Variants in PDE3A observed in about 807,000 individuals in gnomAD.
The protein encoded by PDE3A is phosphodiesterase 3A.
Under a neutral mutation model 98.3 loss-of-function variants are expected in PDE3A, and 43 were observed. That is an observed-to-expected ratio of 0.44 (90% CI 0.34 to 0.56). The LOEUF is 0.56. Among genes scored for constraint, PDE3A ranks in the 20% least tolerant of loss-of-function variants. The pLI is 0.01. For synonymous variants in PDE3A, 663 were observed against 567.9 expected, an observed-to-expected ratio of 1.17 and a Z score of -2.38; for missense variants, 1,427 against 1,440.7, an observed-to-expected ratio of 0.99 and a Z score of 0.15.
chr12:20,582,704 CT>C (rs566651358), intron 2 of PDE3A, among the ~76,000 whole-genome samples: 1 of 151,946 alleles, frequency 6.6e-6, no homozygotes, highest in Non-Finnish European at 1.5e-5. Flanking sequence ...AGACCATAGA[CT>C]TTTTTCATGT....
At chr12:20,613,354 C>G in intron 2 of PDE3A, 89 bp from the exon 3 acceptor site, 2 of 1,184,302 alleles carry the variant, frequency 1.7e-6, no homozygotes, top group South Asian at 2.6e-5. Context: ...CAGCCCAATT[C>G]ATTTCTTAGT....
chr12:20,562,296 C>T (rs1021787655), intron 2 of PDE3A, among the ~76,000 whole-genome samples: 1 of 150,436 alleles, frequency 6.6e-6, no homozygotes, highest in Non-Finnish European at 1.5e-5. Context: ...TCTCAGCTCA[C>T]CGCAACCTCT....
chr12:20,569,578 CT>C (rs1942745992), intron 2 of PDE3A, among the ~76,000 whole-genome samples: 3 of 152,010 alleles, frequency 2.0e-5, no homozygotes, highest in Non-Finnish European at 1.5e-5. Context: ...TAATATGCCC[CT>C]CATAATGCAC....
At chr12:20,654,690 T>C (rs914294148) in intron 15 of PDE3A, among the ~76,000 whole-genome samples, 19 of 148,190 alleles carry the variant, frequency 1.3e-4, no homozygotes, top group African/African-American at 4.8e-4. Context: ...TTTTTTGTAT[T>C]TTGAGTAGAG....
rs149413444 is a variant in PDE3A at position 20,644,460 on chromosome 12, T to C, written c.2252-2030T>C. ...TTAAGATAAATAAGACTTTTTACTC[T>C]GTCTTATTTTTAAGATAAGGAAGTG... On this transcript the variant is annotated intron_variant, in intron 10 of 15. Transcript: ENST00000359062. Among the ~76,000 whole-genome samples, 1,235 of 152,292 alleles carry C rather than the reference T, an allele frequency of 8.1e-3. 15 individuals carry two copies. Among genetic ancestry groups the C allele is most frequent in the South Asian group, 0.018 (86 of 4,830 alleles).
At chr12:20,457,029 A>T (rs964630064) in intron 1 of PDE3A, among the ~76,000 whole-genome samples, 8 of 152,100 alleles carry the variant, frequency 5.3e-5, no homozygotes, top group African/African-American at 1.9e-4. Context: ...AGTCAAATCA[A>T]ACACTTCTTT....
intron 1 of PDE3A, among the ~76,000 whole-genome samples, chr12:20,498,645 A>G (rs1945968356): frequency 1.3e-5 from 2 of 151,224 alleles, no homozygotes; most frequent in Non-Finnish European, 2.9e-5. Flanking sequence ...TCAAGAGATG[A>G]CTGTATTCTG....
chr12:20,673,433 A>C (rs1478866777), intron 15 of PDE3A, among the ~76,000 whole-genome samples: 20 of 142,998 alleles, frequency 1.4e-4, no homozygotes, highest in Non-Finnish European at 2.7e-4. Flanking sequence ...CACAATAGCA[A>C]AGACTTGGAA....
At chr12:20,652,231 A>G (rs12814749) in intron 14 of PDE3A, among the ~76,000 whole-genome samples, 5,258 of 152,216 alleles carry the variant, frequency 0.035, 122 homozygotes, top group Middle Eastern at 0.061. Flanking sequence ...ATAAACATAC[A>G]TGTGCATGTG....
At chr12:20,579,305 T>C (rs1943011293) in intron 2 of PDE3A, among the ~76,000 whole-genome samples, 2 of 152,322 alleles carry the variant, frequency 1.3e-5, no homozygotes, top group East Asian at 1.9e-4. Flanking sequence ...TGAGTTGAAA[T>C]ATGCATTTTT....
rs761992252 is a variant in PDE3A at position 20,556,738 on chromosome 12, C to T, written c.1011+28C>T. 3.2e-6 allele frequency: 5 copies of T among 1,551,300 alleles called. No individual in the cohort carries two copies. The African/African-American group carries it at 4.1e-5, about 13-fold the overall frequency. On this transcript the variant is annotated intron_variant, in intron 2 of 15. Coordinates refer to ENST00000359062, the MANE Select transcript of PDE3A (RefSeq NM_000921.5). ...AAGTTTCTTTTCCTTTTCTTTTTCA[C>T]GTTTCGTTTCGTAACACTTTCAGCC... is the stretch of plus-strand genomic sequence containing the variant.
At position 20,381,075 on chromosome 12, in the gene PDE3A, C is replaced by T. The variant is rs569254475; in HGVS notation, c.960+10831C>T. 4.6e-5 allele frequency among the ~76,000 whole-genome samples: 7 copies of T among 151,856 alleles called. No individual in the cohort carries two copies. The East Asian group carries it at 7.8e-4, about 17-fold the overall frequency. ...AGCATAGTTATTAAGGCAGTAGCCT[C>T]GTTTTGTCCACTTCTCGTCATTCCT... On this transcript the variant is annotated intron_variant, in intron 1 of 15. Transcript: ENST00000359062.
rs948317650 is a variant in PDE3A, at chr12:20,552,180, T to A, written c.961-4480T>A. The stretch of plus-strand genomic sequence containing the variant: ...CTCTCAACTGCTTTGCTCCCATCAA[T>A]GACCAAGAAGGGGCCGAGGCCAAGG... On this transcript the variant is annotated intron_variant, in intron 1 of 15. Coordinates refer to ENST00000359062, the MANE Select transcript of PDE3A (RefSeq NM_000921.5). This position sits in a 1 kb window ranked among gnomAD's most constrained non-coding sequence, Gnocchi z 5.1. The A allele has an allele frequency of 3.1e-6, 5 of 1,613,652 alleles. No individual in the cohort carries two copies. The African/African-American group carries it at 6.7e-5, about 22-fold the overall frequency.
At chr12:20,409,180 T>G (rs1270613631) in intron 1 of PDE3A, among the ~76,000 whole-genome samples, 1 of 152,212 alleles carries the variant, frequency 6.6e-6, no homozygotes. Flanking sequence ...ATCTGGAATC[T>G]GAAAGTAATA....
At chr12:20,532,326 T>G (rs1010794373) in intron 1 of PDE3A, among the ~76,000 whole-genome samples, 4 of 149,882 alleles carry the variant, frequency 2.7e-5, no homozygotes, top group African/African-American at 9.8e-5. Context: ...TGTGTGGGTA[T>G]TTGAAATTTA....
Position 20,662,926 on chromosome 12 carries a change from T to A in PDE3A, c.3184+8721T>A, listed in dbSNP as rs187165348. Among the ~76,000 whole-genome samples the A allele has an allele frequency of 1.7e-3, 253 of 152,260 alleles. 1 individual carries two copies. The highest frequency in any genetic ancestry group is 9.1e-3 in the East Asian group (47 of 5,170). ...TGTCAGAGACCTTAGTGGCAGTCCC[T>A]CCTATCATAGACCCAGAGGCCTAGG... On this transcript the variant is annotated intron_variant, in intron 15 of 15. Coordinates refer to ENST00000359062, the MANE Select transcript of PDE3A (RefSeq NM_000921.5).
Position 20,552,007 on chromosome 12 carries a change from C to G in PDE3A, c.961-4653C>G. 1 of 1,612,518 alleles carries G rather than the reference C, an allele frequency of 6.2e-7. No individual in the cohort carries two copies. On this transcript the variant is annotated intron_variant, in intron 1 of 15. Coordinates refer to ENST00000359062, the MANE Select transcript of PDE3A (RefSeq NM_000921.5). The surrounding 1 kb of genome is among the most constrained non-coding windows in gnomAD (Gnocchi z 5.1). The stretch of plus-strand genomic sequence containing the variant: ...CCGGAGCAACGACGGAGCGTACTCC[C>G]TAGTCCTGGCGGGGGGCTACGAGGA...
At chr12:20,679,291 A>G (rs920510506) in intron 15 of PDE3A, among the ~76,000 whole-genome samples, 4 of 152,186 alleles carry the variant, frequency 2.6e-5, no homozygotes, top group Non-Finnish European at 5.9e-5. Context: ...TCTGTTGCCC[A>G]GGCTGGAGTG....
In PDE3A at chr12:20,646,830, A is replaced by G; in HGVS notation, c.2445A>G (p.Gly815=). 1 of 1,610,930 alleles carries G rather than the reference A, an allele frequency of 6.2e-7. No homozygotes were observed. The highest frequency in any genetic ancestry group is 8.5e-7 in the Non-Finnish European group (1 of 1,177,120). Residue 815 remains glycine (G), a synonymous_variant, in exon 12 of 16, where the codon GGA becomes GGG. Coordinates refer to ENST00000359062, the MANE Select transcript of PDE3A (RefSeq NM_000921.5). The part of the protein sequence containing the change: ...KTYNVTDDKY[G]CLSGNIPALE... ...ATAATGTGACAGATGATAAATACGG[A>G]TGTCTGTCTGGGAATATCCCTGCCT...
Sources: allele counts gnomAD v4.1 joint callset (sites outside exome capture counted in the v4.1 genomes callset), GRCh38; gene constraint gnomAD v4.1.1; non-coding constraint Gnocchi (gnomAD v3.1); transcripts MANE v1.5; gene names NCBI Gene and HGNC (gene_info 2026-07-23, HGNC 2026-07-21).